FRMD6: variants seen among roughly 807,000 people sequenced by gnomAD.
The protein encoded by FRMD6 is FERM domain containing 6, also known as FERM domain-containing protein 6.
In FRMD6, 37 loss-of-function variants were observed where a neutral mutation model predicts 73.2. That is an observed-to-expected ratio of 0.51 (90% confidence interval 0.39 to 0.66). FRMD6 has a LOEUF of 0.66. Ranked by LOEUF, FRMD6 falls within the 30% of genes least tolerant of loss-of-function variation. The pLI is 0.00. For synonymous variants in FRMD6, 273 were observed against 282.2 expected, an observed-to-expected ratio of 0.97 and a Z score of 0.33; for missense variants, 714 against 780.5, an observed-to-expected ratio of 0.91 and a Z score of 1.02.
At chr14:51,634,442 CT>C (rs1891466150) in intron 2 of FRMD6, among the ~76,000 whole-genome samples, 1 of 152,194 alleles carries the variant, frequency 6.6e-6, no homozygotes, top group African/African-American at 2.4e-5. Flanking sequence ...TCTCTATCCC[CT>C]ATTCCCAAAA....
rs375453243 is a variant in FRMD6 at position 51,633,598 on chromosome 14, C to CA, written c.-146-56070dup. On this transcript the variant is annotated intron_variant, in intron 2 of 14. Transcript: ENST00000356218. ...CTTGAGCAACAGAACAAGACCCTGTCAAAAAAAAAAAAAAAAAAAAAAAGA... is the reference window on the plus strand; with the variant it reads ...CTTGAGCAACAGAACAAGACCCTGTCAAAAAAAAAAAAAAAAAAAAAAAAGA... Among the ~76,000 whole-genome samples, 173 of 45,768 alleles carry CA rather than the reference C, an allele frequency of 3.8e-3. 2 individuals carry two copies. Among genetic ancestry groups the CA allele is most frequent in the East Asian group, 0.025 (32 of 1,298 alleles). The allele number at this position is 45,768 out of a possible 152,430, so 30.0% of individuals were successfully genotyped here.
intron 1 of FRMD6, among the ~76,000 whole-genome samples, chr14:51,666,895 G>A (rs1893635005): frequency 6.6e-6 from 1 of 152,198 alleles, no homozygotes. Flanking sequence ...AACACCTCAG[G>A]AGGCTGAGGC....
At chr14:51,649,355 C>T (rs1375117268), upstream of FRMD6, among the ~76,000 whole-genome samples, 1 of 151,932 alleles carries the variant, frequency 6.6e-6, no homozygotes, top group East Asian at 1.9e-4. Context: ...GACAACAAGC[C>T]CACTCTTAAA....
Position 51,512,089 on chromosome 14 carries a change from G to T in FRMD6, c.-210+22669G>T, listed in dbSNP as rs59872184. On this transcript the variant is annotated intron_variant, in intron 1 of 14. Coordinates refer to the FRMD6 transcript ENST00000356218. ...TCAGTCCAGAACTAGAAATGAAGAC[G>T]GCTAACTTTTGGGTCTTGCCTCTGT... Among the ~76,000 whole-genome samples the T allele has an allele frequency of 4.4e-3, 673 of 152,046 alleles. 2 individuals are homozygous for T. Among genetic ancestry groups the T allele is most frequent in the African/African-American group, 0.016 (650 of 41,468 alleles).
intron 3 of FRMD6, among the ~76,000 whole-genome samples, chr14:51,699,273 A>G (rs933186547): frequency 2.0e-5 from 3 of 152,114 alleles, no homozygotes; most frequent in Non-Finnish European, 4.4e-5. Context: ...AGTTAAAACA[A>G]TAAAACACAG....
rs59151771 is a variant in FRMD6 at position 51,599,058 on chromosome 14, C to CTTTTTTTTTTTTTTTTTTTTT, written c.-147+28655_-147+28675dup. Reference sequence around the variant, plus strand: ...TCTCAGCAGCCTTGCCAGTATCTGTCTTTTTTTTTTTTTTTTTTTTTTTTT... The same window carrying CTTTTTTTTTTTTTTTTTTTTT: ...TCTCAGCAGCCTTGCCAGTATCTGTCTTTTTTTTTTTTTTTTTTTTTTTTTTTTTTTTTTTTTTTTTTTTTT... On this transcript the variant is annotated intron_variant, in intron 2 of 14. Transcript: ENST00000356218. Among the ~76,000 whole-genome samples, 20 of 72,822 alleles carry CTTTTTTTTTTTTTTTTTTTTT rather than the reference C, an allele frequency of 2.7e-4. 4 individuals are homozygous for CTTTTTTTTTTTTTTTTTTTTT. Among genetic ancestry groups the CTTTTTTTTTTTTTTTTTTTTT allele is most frequent in the African/African-American group, 6.0e-4 (11 of 18,186 alleles). 47.8% of individuals were successfully genotyped at this position (72,822 alleles called of 152,430 possible).
At chr14:51,564,689 C>A (rs370249269) in intron 1 of FRMD6, among the ~76,000 whole-genome samples, 3 of 152,236 alleles carry the variant, frequency 2.0e-5, no homozygotes, top group Middle Eastern at 3.4e-3. Context: ...GGAAAGGCCT[C>A]GGGGCAACAA....
At chr14:51,710,622 G>A (rs1896889934) in intron 7 of FRMD6, among the ~76,000 whole-genome samples, 1 of 152,128 alleles carries the variant, frequency 6.6e-6, no homozygotes, top group Non-Finnish European at 1.5e-5. Context: ...ATAATGCCAG[G>A]TGAGGACACA....
the FRMD6 span, among the ~76,000 whole-genome samples, chr14:51,416,384 T>G: frequency 6.6e-6 from 1 of 152,230 alleles, no homozygotes; most frequent in African/African-American, 2.4e-5. Flanking sequence ...AAGAACATCT[T>G]TATTTCTGCC....
chr14:51,444,225 A>G, the FRMD6 span, among the ~76,000 whole-genome samples: 5 of 152,206 alleles, frequency 3.3e-5, no homozygotes, highest in African/African-American at 1.2e-4. Context: ...CACCACGCCC[A>G]GCAGTGGGTT....
In FRMD6 at chr14:51,729,295, T is replaced by A. The variant is rs2140740301; in HGVS notation, c.*1266T>A. ...AATATGCAACAAAGTTGAAAACCACTGATCCTGGGGGTGTCTTGTTAATTT... is the reference window on the plus strand; with the variant it reads ...AATATGCAACAAAGTTGAAAACCACAGATCCTGGGGGTGTCTTGTTAATTT... On this transcript the variant is annotated 3_prime_UTR_variant, in exon 14 of 14. Transcript: ENST00000344768. 1 of 152,500 alleles carries A rather than the reference T, an allele frequency of 6.6e-6. No homozygotes were observed. Among genetic ancestry groups the A allele is most frequent in the East Asian group, 1.9e-4 (1 of 5,186 alleles). 9.4% of individuals were successfully genotyped at this position (152,500 alleles called of 1,614,324 possible).
At chr14:51,423,867 C>A in the FRMD6 span, among the ~76,000 whole-genome samples, 126,643 of 152,228 alleles carry the variant, frequency 0.83, 53,217 homozygotes, top group African/African-American at 0.93. Flanking sequence ...CTGTAAGTGG[C>A]TATGTATCTA....
intron 1 of FRMD6, among the ~76,000 whole-genome samples, chr14:51,689,323 T>C (rs1379132900): frequency 6.6e-6 from 1 of 152,208 alleles, no homozygotes; most frequent in Non-Finnish European, 1.5e-5. Context: ...AGAACGAGAA[T>C]TTTCTTATTG....
chr14:51,423,252 C>T, the FRMD6 span, among the ~76,000 whole-genome samples: 1 of 152,188 alleles, frequency 6.6e-6, no homozygotes, highest in African/African-American at 2.4e-5. Flanking sequence ...CCCCACATCT[C>T]ACAAGTCTCC....
chr14:51,643,313 A>G (rs1447274338), intron 2 of FRMD6: 2 of 152,218 alleles, frequency 1.3e-5, no homozygotes, highest in African/African-American at 4.8e-5. Context: ...AAACATGTGA[A>G]CAGTCACTGT....
At chr14:51,473,245 A>T in the FRMD6 span, among the ~76,000 whole-genome samples, 1 of 152,208 alleles carries the variant, frequency 6.6e-6, no homozygotes, top group African/African-American at 2.4e-5. Context: ...ATGTGGTCTC[A>T]GCTACCTCCC....
chr14:51,405,139 G>GTA, the FRMD6 span, among the ~76,000 whole-genome samples: 270 of 152,162 alleles, frequency 1.8e-3, 1 homozygote, highest in African/African-American at 5.4e-3. Context: ...GTATTCCATG[G>GTA]TATATATATA....
intron 2 of FRMD6, among the ~76,000 whole-genome samples, chr14:51,623,836 T>C (rs1049143506): frequency 1.3e-5 from 2 of 152,174 alleles, no homozygotes; most frequent in African/African-American, 4.8e-5. Flanking sequence ...GTTGAATAAA[T>C]TGAAGAAATG....
chr14:51,507,244 C>G (rs1224236112), intron 1 of FRMD6, among the ~76,000 whole-genome samples: 1 of 152,150 alleles, frequency 6.6e-6, no homozygotes. Context: ...TGCAGGGCAT[C>G]CTGGCTGGTG....
Sources: gnomAD v4.1 joint callset for allele counts (sites outside exome capture counted in the v4.1 genomes callset) on GRCh38, gnomAD v4.1.1 for gene constraint, MANE v1.5 for transcripts, NCBI Gene and HGNC (gene_info 2026-07-23, HGNC 2026-07-21) for gene names.